Variants in IVNS1ABP observed in about 807,000 individuals in gnomAD.
The protein encoded by IVNS1ABP is influenza virus NS1A-binding protein.
In IVNS1ABP, 25 loss-of-function variants were observed where a neutral mutation model predicts 78.9. The ratio of observed to expected loss-of-function variants is 0.32; its 90% confidence interval spans 0.23 to 0.44. IVNS1ABP has a LOEUF of 0.44. IVNS1ABP is among the 20% of genes least tolerant of loss of function. The pLI is 1.00. For synonymous variants in IVNS1ABP, 241 were observed against 259.7 expected, an observed-to-expected ratio of 0.93 and a Z score of 0.69; for missense variants, 494 against 768.9, an observed-to-expected ratio of 0.64 and a Z score of 4.23.
In IVNS1ABP at chr1:185,305,504, C is replaced by A. The variant is rs1157477183; in HGVS notation, c.765+32G>T. ...ATCAAATTCTCTAGTCAAATTTTAA[C>A]CTGAGGTTACCTCAGACTGTGCAAT... On this transcript the variant is annotated intron_variant, in intron 8 of 14. Coordinates refer to ENST00000367498, the MANE Select transcript of IVNS1ABP (RefSeq NM_006469.5). The surrounding 1 kb of genome is among the most constrained non-coding windows in gnomAD (Gnocchi z 4.0). 6 of 1,607,566 alleles carry A rather than the reference C, an allele frequency of 3.7e-6. No individual in the cohort carries two copies. The highest frequency in any genetic ancestry group is 3.3e-5 in the South Asian group (3 of 89,982).
chr1:185,301,345 A>G, intron 9 of IVNS1ABP, 89 bp downstream of exon 9: 2 of 1,506,350 alleles, frequency 1.3e-6, no homozygotes. Context: ...TTTTTCCTCG[A>G]GTAGTCAATT....
intron 2 of IVNS1ABP, among the ~76,000 whole-genome samples, chr1:185,310,429 G>T (rs371290513): frequency 6.6e-6 from 1 of 152,144 alleles, no homozygotes; most frequent in South Asian, 2.1e-4. Flanking sequence ...CCAACATGGT[G>T]AAACCCTATC....
chr1:185,317,130 G>A lies in IVNS1ABP; in HGVS notation c.-424C>T, dbSNP rs1666058733. 1 of 398,602 alleles carries A rather than the reference G, an allele frequency of 2.5e-6. No individual in the cohort carries two copies. The highest frequency in any genetic ancestry group is 4.4e-6 in the Non-Finnish European group (1 of 226,134). 24.7% of individuals were successfully genotyped at this position (398,602 alleles called of 1,614,324 possible). A position where few individuals can be genotyped will look rare whatever the true frequency, so the allele number is the denominator to read the frequency against. Reference sequence around the variant, plus strand: ...ACTGAAAGGAAGGGGGAGCGCCACCGAGAACTCGCGGGAACTCGCTCGCTC... The same window carrying A: ...ACTGAAAGGAAGGGGGAGCGCCACCAAGAACTCGCGGGAACTCGCTCGCTC... On this transcript the variant is annotated 5_prime_UTR_variant, in exon 1 of 15. Transcript: ENST00000367498.
Position 185,296,759 on chromosome 1 carries a change from A to G in IVNS1ABP, c.*1276T>C, listed in dbSNP as rs1028653952. 6 of 152,092 alleles carry G rather than the reference A, an allele frequency of 3.9e-5. No individual in the cohort carries two copies. The highest frequency in any genetic ancestry group is 2.6e-4 in the Admixed American group (4 of 15,254). The allele number at this position is 152,092 out of a possible 1,614,324, so 9.4% of individuals were successfully genotyped here. ...ATCTTCTGTGAGAAAAAAAAACCTT[A>G]TATCATTCCTTATTTCAGATGTAAG... On this transcript the variant is annotated 3_prime_UTR_variant, in exon 15 of 15. Coordinates refer to ENST00000367498, the MANE Select transcript of IVNS1ABP (RefSeq NM_006469.5).
chr1:185,315,340 C>G (rs1285635444), intron 1 of IVNS1ABP, among the ~76,000 whole-genome samples: 1 of 152,126 alleles, frequency 6.6e-6, no homozygotes, highest in Admixed American at 6.5e-5. Flanking sequence ...CAAAAAGACA[C>G]TAATTTAAAA....
In IVNS1ABP at chr1:185,305,530, G is replaced by A; in HGVS notation, c.765+6C>T. The A allele has an allele frequency of 1.2e-6, 2 of 1,612,706 alleles. No homozygotes were observed. Among genetic ancestry groups the A allele is most frequent in the African/African-American group, 1.3e-5 (1 of 74,826 alleles). Reference sequence around the variant, plus strand: ...CTGAGGTTACCTCAGACTGTGCAATGTGTACCTGCACAAACTGAATGTGGT... The same window carrying A: ...CTGAGGTTACCTCAGACTGTGCAATATGTACCTGCACAAACTGAATGTGGT... On this transcript the variant is annotated splice_donor_region_variant and intron_variant, in intron 8 of 14. Coordinates refer to ENST00000367498, the MANE Select transcript of IVNS1ABP (RefSeq NM_006469.5). The surrounding 1 kb of genome is among the most constrained non-coding windows in gnomAD (Gnocchi z 4.0).
chr1:185,308,414 G>C (rs1665795187), intron 5 of IVNS1ABP, among the ~76,000 whole-genome samples: 1 of 152,156 alleles, frequency 6.6e-6, no homozygotes, highest in Non-Finnish European at 1.5e-5. Flanking sequence ...TTTTCCAAAA[G>C]TACTTTTTAC....
intron 6 of IVNS1ABP, 121 bp from the exon 7 acceptor site, chr1:185,307,260 T>C (rs1571745717): frequency 7.9e-7 from 1 of 1,270,300 alleles, no homozygotes; most frequent in African/African-American, 1.5e-5. Flanking sequence ...TACTCTAATT[T>C]GTAAGGAACC....
At position 185,308,424 on chromosome 1, in the gene IVNS1ABP, C is replaced by T. The variant is rs554125377; in HGVS notation, c.357+376G>A. Among the ~76,000 whole-genome samples, 122 of 152,296 alleles carry T rather than the reference C, an allele frequency of 8.0e-4. 1 individual carries two copies. The highest frequency in any genetic ancestry group is 1.2e-3 in the Non-Finnish European group (81 of 67,998). On this transcript the variant is annotated intron_variant, in intron 5 of 14. Transcript: ENST00000367498. ...GCCTGTTTTCCAAAAGTACTTTTTA[C>T]TGGCATTAAATTCTAGAAGGAATAC...
rs372230638 is a variant in IVNS1ABP at position 185,298,219 on chromosome 1, G to A, written c.1745C>T (p.Thr582Ile). 3.0e-5 allele frequency: 48 copies of A among 1,613,432 alleles called. No homozygotes were observed. Among genetic ancestry groups the A allele is most frequent in the Non-Finnish European group, 3.5e-5 (41 of 1,179,736 alleles). The change falls in exon 15 of 15, where the codon ACT (threonine) becomes ATT (isoleucine). Residue 582 changes from threonine (T) to isoleucine (I), a missense_variant. Coordinates refer to ENST00000367498, the MANE Select transcript of IVNS1ABP (RefSeq NM_006469.5). The surrounding 1 kb of genome is among the most constrained non-coding windows in gnomAD (Gnocchi z 4.1). ...TCCCATCATCTTCCATTCATTTCTA[G>A]TTGGATCATACATTTCCACACAACT... ...AISCVEMYDPTRNEWKMMGNM... is the reference protein window; with the variant it reads ...AISCVEMYDPIRNEWKMMGNM...
intron 1 of IVNS1ABP, among the ~76,000 whole-genome samples, chr1:185,312,334 CTA>C (rs1665910047): frequency 1.3e-5 from 2 of 152,188 alleles, no homozygotes; most frequent in South Asian, 2.1e-4. Flanking sequence ...TATTACACCA[CTA>C]TTAACTCTGG....
In IVNS1ABP at chr1:185,299,807, C is replaced by T. The variant is rs143620780; in HGVS notation, c.1578G>A (p.Leu526=). 1.2e-6 allele frequency: 2 copies of T among 1,613,532 alleles called. No homozygotes were observed. Among genetic ancestry groups the T allele is most frequent in the African/African-American group, 2.7e-5 (2 of 74,836 alleles). Residue 526 remains leucine (L), a synonymous_variant, in exon 14 of 15, where the codon CTG becomes CTA. Coordinates refer to ENST00000367498, the MANE Select transcript of IVNS1ABP (RefSeq NM_006469.5). ...CAGGATTGTATCGTTCTACTGTGTTCAGACAATTCCAAGATTCTGCACCTC... is the reference window on the plus strand; with the variant it reads ...CAGGATTGTATCGTTCTACTGTGTTTAGACAATTCCAAGATTCTGCACCTC... ...IIGGAESWNC[L]NTVERYNPEN... is the part of the protein sequence containing the mutation.
chr1:185,312,859 T>C (rs1277160898), intron 1 of IVNS1ABP, among the ~76,000 whole-genome samples: 1 of 152,190 alleles, frequency 6.6e-6, no homozygotes, highest in Non-Finnish European at 1.5e-5. Flanking sequence ...TTCATATATA[T>C]ATGATTTATA....
rs1665603128 is a variant in IVNS1ABP at position 185,301,642 on chromosome 1, A to G, written c.766-79T>C. 6 of 1,492,702 alleles carry G rather than the reference A, an allele frequency of 4.0e-6. No individual in the cohort carries two copies. The South Asian group carries it at 5.8e-5, about 14-fold the overall frequency. The allele number at this position is 1,492,702 out of a possible 1,614,324, so 92.5% of individuals were successfully genotyped here. A position where few individuals can be genotyped will look rare whatever the true frequency, so the allele number is the denominator to read the frequency against. On this transcript the variant is annotated intron_variant, in intron 8 of 14. Coordinates refer to ENST00000367498, the MANE Select transcript of IVNS1ABP (RefSeq NM_006469.5). ...ACCTTTGTTCCTGAGCTATTCCACA[A>G]CACTGAGTATCCTTCACCTATATAT...
Position 185,296,725 on chromosome 1 carries a change from G to T in IVNS1ABP, c.*1310C>A, listed in dbSNP as rs1014678912. 6.6e-6 allele frequency: 1 copy of T among 151,940 alleles called. No individual in the cohort carries two copies. The highest frequency in any genetic ancestry group is 1.5e-5 in the Non-Finnish European group (1 of 67,976). 9.4% of individuals were successfully genotyped at this position (151,940 alleles called of 1,614,324 possible). A position where few individuals can be genotyped will look rare whatever the true frequency, so the allele number is the denominator to read the frequency against. ...ATCCCAGTTGGCCCATTAGGTTCCT[G>T]TGTGCTTCATCTTCTGTGAGAAAAA... On this transcript the variant is annotated 3_prime_UTR_variant, in exon 15 of 15. Coordinates refer to ENST00000367498, the MANE Select transcript of IVNS1ABP (RefSeq NM_006469.5).
Position 185,305,927 on chromosome 1 carries a change from A to G in IVNS1ABP, c.658-284T>C, listed in dbSNP as rs1665728350. On this transcript the variant is annotated intron_variant, in intron 7 of 14. Transcript: ENST00000367498. The surrounding 1 kb of genome is among the most constrained non-coding windows in gnomAD (Gnocchi z 4.0). ...AATCTTCATTTTTTTCATAGCTTCT[A>G]TCATATAACAGTAAGAAAAAAAGCA... 1 of 350,836 alleles carries G rather than the reference A, an allele frequency of 2.9e-6. No homozygotes were observed. Among genetic ancestry groups the G allele is most frequent in the East Asian group, 5.3e-5 (1 of 18,876 alleles). The allele number at this position is 350,836 out of a possible 1,614,324, so 21.7% of individuals were successfully genotyped here. A position where few individuals can be genotyped will look rare whatever the true frequency, so the allele number is the denominator to read the frequency against.
intron 12 of IVNS1ABP, 40 bp downstream of exon 12, chr1:185,300,177 T>A: frequency 6.2e-7 from 1 of 1,604,386 alleles, no homozygotes; most frequent in Non-Finnish European, 8.5e-7. Context: ...TTAATTATCA[T>A]ATTTAAATAC....
chr1:185,309,316 C>A (rs1437723218), intron 3 of IVNS1ABP, 67 bp downstream of exon 3: 2 of 1,273,464 alleles, frequency 1.6e-6, no homozygotes, highest in South Asian at 2.8e-5. Context: ...AAGAAATAAG[C>A]AAATCTAAGA....
At position 185,300,305 on chromosome 1, in the gene IVNS1ABP, T is replaced by C; in HGVS notation, c.1281A>G (p.Ser427=). 6.2e-7 allele frequency: 1 copy of C among 1,613,522 alleles called. No individual in the cohort carries two copies. The highest frequency in any genetic ancestry group is 8.5e-7 in the Non-Finnish European group (1 of 1,179,760). The change falls in exon 12 of 15, where the codon TCA becomes TCG. Residue 427 remains serine (S), a synonymous_variant. Transcript: ENST00000367498. Reference sequence around the variant, plus strand: ...ACATCTCTCCACAACTCAGGTCATCTGAGTGGCCATTTGATCCACCTACCA... The same window carrying C: ...ACATCTCTCCACAACTCAGGTCATCCGAGTGGCCATTTGATCCACCTACCA... ...LYVVGGSNGH[S]DDLSCGEMYD... is the part of the protein sequence containing the mutation.
Sources: allele counts gnomAD v4.1 joint callset (sites outside exome capture counted in the v4.1 genomes callset), GRCh38; gene constraint gnomAD v4.1.1; non-coding constraint Gnocchi (gnomAD v3.1); transcripts MANE v1.5; gene names NCBI Gene and HGNC (gene_info 2026-07-23, HGNC 2026-07-21).